The following MAGI1 variants were observed in gnomAD, a reference collection of about 807,000 sequenced individuals.
MAGI1 encodes membrane-associated guanylate kinase, WW and PDZ domain-containing protein 1.
A neutral mutation model predicts 139.9 loss-of-function variants in MAGI1; 58 were observed. That is an observed-to-expected ratio of 0.41 (90% CI 0.34 to 0.52). The LOEUF is 0.52. Ranked by LOEUF, MAGI1 falls within the 20% of genes least tolerant of loss-of-function variation. MAGI1 has a pLI of 0.12. For synonymous variants in MAGI1, 812 were observed against 737.9 expected, an observed-to-expected ratio of 1.10 and a Z score of -1.63; for missense variants, 1,874 against 1,901.6, an observed-to-expected ratio of 0.99 and a Z score of 0.27.
intron 1 of MAGI1, chr3:65,872,772 T>C (rs1040646025): frequency 1.3e-5 from 2 of 152,172 alleles, no homozygotes; most frequent in East Asian, 3.8e-4. Flanking sequence ...AAGGGTCATG[T>C]CTCCCAAACA....
At chr3:65,863,827 C>T (rs1026669409) in intron 1 of MAGI1, among the ~76,000 whole-genome samples, 5 of 151,968 alleles carry the variant, frequency 3.3e-5, no homozygotes, top group African/African-American at 9.7e-5. Flanking sequence ...CGACATAGTC[C>T]CCTCTTTTCC....
At chr3:65,955,236 T>G (rs1426470966) in intron 1 of MAGI1, among the ~76,000 whole-genome samples, 1 of 152,230 alleles carries the variant, frequency 6.6e-6, no homozygotes, top group Non-Finnish European at 1.5e-5. Flanking sequence ...CCAGGTGTGG[T>G]GGCTGACGCC....
intron 2 of MAGI1, among the ~76,000 whole-genome samples, chr3:65,543,422 A>G (rs943727783): frequency 2.0e-5 from 3 of 152,194 alleles, no homozygotes; most frequent in Non-Finnish European, 2.9e-5. Context: ...AAGGATTATA[A>G]ATCATTCTGC....
chr3:65,415,932 T>C (rs193085385), intron 12 of MAGI1, among the ~76,000 whole-genome samples: 37 of 152,270 alleles, frequency 2.4e-4, no homozygotes, highest in Admixed American at 7.8e-4. Context: ...AGACAAACTA[T>C]ATAAACATAG....
At chr3:65,878,372 C>G (rs1391525556) in intron 1 of MAGI1, among the ~76,000 whole-genome samples, 24 of 151,994 alleles carry the variant, frequency 1.6e-4, no homozygotes, top group Admixed American at 1.6e-3. Context: ...AAAAATTAGC[C>G]AGGCATGGTG....
At chr3:65,733,397 T>A (rs986830677) in intron 1 of MAGI1, among the ~76,000 whole-genome samples, 1 of 152,186 alleles carries the variant, frequency 6.6e-6, no homozygotes, top group Non-Finnish European at 1.5e-5. Context: ...AGAAAATTAA[T>A]TGTATGTAAA....
intron 1 of MAGI1, among the ~76,000 whole-genome samples, chr3:65,784,323 C>T (rs1052476382): frequency 3.3e-5 from 5 of 152,166 alleles, no homozygotes; most frequent in African/African-American, 1.2e-4. Flanking sequence ...AAACATATGT[C>T]CACACAGAAA....
chr3:65,933,754 G>A (rs886734492), intron 1 of MAGI1, among the ~76,000 whole-genome samples: 1 of 152,158 alleles, frequency 6.6e-6, no homozygotes, highest in African/African-American at 2.4e-5. Context: ...AAAGAAGAAA[G>A]ATATCTTAAA....
intron 1 of MAGI1, among the ~76,000 whole-genome samples, chr3:65,729,637 C>CTTT (rs1225240138): frequency 2.0e-5 from 3 of 152,116 alleles, no homozygotes; most frequent in Non-Finnish European, 2.9e-5. Flanking sequence ...ATTCCTTGAG[C>CTTT]AAATGTGTGT....
chr3:65,945,884 T>C (rs1418562529), intron 1 of MAGI1, among the ~76,000 whole-genome samples: 1 of 152,216 alleles, frequency 6.6e-6, no homozygotes, highest in African/African-American at 2.4e-5. Context: ...CTGTTCTAGG[T>C]GCTAGAGACA....
At chr3:65,901,324 G>A (rs529285490) in intron 1 of MAGI1, among the ~76,000 whole-genome samples, 1 of 152,354 alleles carries the variant, frequency 6.6e-6, no homozygotes, top group African/African-American at 2.4e-5. Flanking sequence ...CTCAGAGAAA[G>A]TGTATGGATG....
At chr3:65,540,651 C>A (rs2079167256) in intron 2 of MAGI1, among the ~76,000 whole-genome samples, 1 of 152,182 alleles carries the variant, frequency 6.6e-6, no homozygotes, top group South Asian at 2.1e-4. Context: ...TTGGACAGAG[C>A]ATTTCACAAA....
At chr3:65,761,468 C>T (rs1382818223) in intron 1 of MAGI1, among the ~76,000 whole-genome samples, 2 of 152,134 alleles carry the variant, frequency 1.3e-5, no homozygotes, top group Non-Finnish European at 2.9e-5. Flanking sequence ...CAGCAAAATG[C>T]TAAATTCCAA....
intron 1 of MAGI1, among the ~76,000 whole-genome samples, chr3:65,924,428 C>G (rs1304781040): frequency 6.6e-6 from 1 of 152,170 alleles, no homozygotes; most frequent in Non-Finnish European, 1.5e-5. Context: ...AGTCCCATTT[C>G]AAGAATTTCT....
chr3:65,766,135 T>G (rs2037453314), intron 1 of MAGI1, among the ~76,000 whole-genome samples: 1 of 152,226 alleles, frequency 6.6e-6, no homozygotes, highest in Non-Finnish European at 1.5e-5. Flanking sequence ...ACTCACAGAT[T>G]TAGCACAGCT....
At chr3:65,811,737 C>T (rs574688167) in intron 1 of MAGI1, among the ~76,000 whole-genome samples, 16 of 151,636 alleles carry the variant, frequency 1.1e-4, no homozygotes, top group African/African-American at 3.6e-4. Context: ...GAGAGGTAAA[C>T]TGATAAACTT....
chr3:65,681,955 C>A (rs1236827637), intron 1 of MAGI1, among the ~76,000 whole-genome samples: 1 of 152,122 alleles, frequency 6.6e-6, no homozygotes, highest in East Asian at 1.9e-4. Flanking sequence ...CCCACCTCAG[C>A]CTCCTGCATA....
chr3:65,807,763 A>G (rs899721621), intron 1 of MAGI1, among the ~76,000 whole-genome samples: 1 of 152,200 alleles, frequency 6.6e-6, no homozygotes, highest in Non-Finnish European at 1.5e-5. Flanking sequence ...CATCTTCCCT[A>G]TTAATAACAT....
At chr3:65,853,245 T>A (rs1344780140) in intron 1 of MAGI1, among the ~76,000 whole-genome samples, 1 of 152,214 alleles carries the variant, frequency 6.6e-6, no homozygotes, top group African/African-American at 2.4e-5. Flanking sequence ...AACTCAAGAT[T>A]TAAAAATAAG....
Sources: gnomAD v4.1 joint callset for allele counts (sites outside exome capture counted in the v4.1 genomes callset) on GRCh38, gnomAD v4.1.1 for gene constraint, MANE v1.5 for transcripts, NCBI Gene and HGNC (gene_info 2026-07-23, HGNC 2026-07-21) for gene names.